The following IL13RA2 variants were observed in gnomAD, a reference collection of about 807,000 sequenced individuals.
The protein encoded by IL13RA2 is interleukin-13 receptor subunit alpha-2.
In IL13RA2, 25 loss-of-function variants were observed where a neutral mutation model predicts 34.1. The observed-to-expected ratio is 0.73, with a 90% CI of 0.53 to 1.03. The LOEUF (loss-of-function observed/expected upper bound fraction) is 1.03, where lower values mean the gene tolerates loss of function less well. Ranked by LOEUF, IL13RA2 falls within the 50% of genes least tolerant of loss-of-function variation. IL13RA2 has a pLI of 0.00. For missense variants in IL13RA2, 297 were observed against 280.9 expected (o/e 1.06, Z -0.41); for synonymous variants, 106 against 100.4 (o/e 1.06, Z -0.33).
At chrX:115,013,712 T>G in intron 5 of IL13RA2, 57 bp downstream of exon 5, 1 of 631,601 alleles carries the variant, frequency 1.6e-6, no homozygotes, top group Non-Finnish European at 2.6e-6. Context: ...ACTCATACTA[T>G]CGACTAACTT....
intron 2 of IL13RA2, among the ~76,000 whole-genome samples, chrX:115,016,766 T>C (rs1556510185): frequency 9.3e-6 from 1 of 108,009 alleles, no homozygotes; most frequent in African/African-American, 3.3e-5. Flanking sequence ...TATTTTTAAA[T>C]TTTACGTTAA....
chrX:115,006,704 T>A (rs1457794007), intron 8 of IL13RA2, among the ~76,000 whole-genome samples: 1 of 111,356 alleles, frequency 9.0e-6, no homozygotes, highest in Non-Finnish European at 1.9e-5. Flanking sequence ...AAGATTTCCC[T>A]CAAAGCAAGA....
intron 4 of IL13RA2, among the ~76,000 whole-genome samples, 197 bp downstream of exon 4, chrX:115,014,224 A>G (rs1207951635): frequency 8.9e-6 from 1 of 111,909 alleles, no homozygotes; most frequent in Non-Finnish European, 1.9e-5. Context: ...ATAAAATAAT[A>G]TACAGGTTTT....
intron 4 of IL13RA2, 69 bp downstream of exon 4, chrX:115,014,352 A>T: frequency 2.4e-6 from 2 of 826,748 alleles, no homozygotes; most frequent in Non-Finnish European, 3.5e-6. Context: ...GGTACATAAG[A>T]TTAAGGGACT....
rs1556509424 is a variant in IL13RA2 at position 115,014,568 on chromosome X, T to C, written c.253A>G (p.Ile85Val). 3.4e-6 allele frequency: 4 copies of C among 1,174,479 alleles called. No homozygotes were observed. The highest frequency in any genetic ancestry group is 3.0e-5 in the East Asian group (1 of 33,327). Residue 85 changes from isoleucine (I) to valine (V), a missense_variant, in exon 4 of 10, where the codon ATT (isoleucine) becomes GTT (valine). Physicochemically the swap from Ile to Val is conservative, Grantham distance 29. Transcript: ENST00000243213. ...TCTTTGTAATGTAGATTCTTAGTAA[T>C]GATGGTCTGTTTGACAAAAAGATGA... ...NIGSETWKTI[I>V]TKNLHYKDGF...
At chrX:115,010,585 G>T in intron 6 of IL13RA2, 59 bp downstream of exon 6, 4 of 524,763 alleles carry the variant, frequency 7.6e-6, no homozygotes, top group South Asian at 3.8e-5. Context: ...CTCTCAAGTG[G>T]TTGTAAATGG....
chrX:115,014,774 T>C (rs904812851), intron 3 of IL13RA2, among the ~76,000 whole-genome samples, 200 bp from the exon 4 acceptor site: 1 of 111,823 alleles, frequency 8.9e-6, no homozygotes, highest in Non-Finnish European at 1.9e-5. Flanking sequence ...TATGAGATCA[T>C]TTGAATCTTA....
chrX:115,009,442 C>A, intron 7 of IL13RA2, 79 bp downstream of exon 7: 1 of 822,089 alleles, frequency 1.2e-6, no homozygotes, highest in Non-Finnish European at 1.8e-6. Flanking sequence ...GTGGATGCAA[C>A]TGATTTTGGT....
chrX:115,006,634 C>T (rs2071686396), intron 8 of IL13RA2, among the ~76,000 whole-genome samples: 1 of 111,363 alleles, frequency 9.0e-6, no homozygotes, highest in African/African-American at 3.3e-5. Flanking sequence ...AGAGAGCCAA[C>T]ATCATGCCAC....
Position 115,008,692 on chromosome X carries a change from C to T in IL13RA2, c.853-616G>A, listed in dbSNP as rs3795175. 6.5e-3 allele frequency among the ~76,000 whole-genome samples: 720 copies of T among 111,323 alleles called. 48 individuals are homozygous for T. In the East Asian group the frequency reaches 0.17, roughly 26 times the overall value. On this transcript the variant is annotated intron_variant, in intron 7 of 9. Coordinates refer to ENST00000243213, the MANE Select transcript of IL13RA2 (RefSeq NM_000640.3). The stretch of plus-strand genomic sequence containing the variant: ...TGAGACTATCTCAAGGCTGGGTGAT[C>T]TCAGAGTAAAAAAATCACTGAAGCA...
In IL13RA2 at chrX:115,005,272, T is replaced by C; in HGVS notation, c.1041A>G (p.Pro347=). 1 of 1,142,286 alleles carries C rather than the reference T, an allele frequency of 8.8e-7. No individual in the cohort carries two copies. Among genetic ancestry groups the C allele is most frequent in the Non-Finnish European group, 1.2e-6 (1 of 832,152 alleles). 94.1% of individuals were successfully genotyped at this position (1,142,286 alleles called of 1,213,427 possible). The change falls in exon 9 of 10, where the codon CCA becomes CCG. Residue 347 remains proline, a synonymous_variant. Transcript: ENST00000243213. ...TAACTAATATTAAGATGAAACCAAA[T>C]GGTAGCCAGAAACGTAGCAAAGTTT... is the stretch of plus-strand genomic sequence containing the variant. ...SKKTLLRFWL[P]FGFILILVIF...
At chrX:115,006,037 T>C (rs1556507519) in intron 8 of IL13RA2, among the ~76,000 whole-genome samples, 1 of 112,048 alleles carries the variant, frequency 8.9e-6, no homozygotes, top group Non-Finnish European at 1.9e-5. Context: ...AAAGCTCTCT[T>C]GATCCCACCT....
chrX:115,005,285 C>T lies in IL13RA2; in HGVS notation c.1028G>A (p.Arg343His), dbSNP rs782749009. The change falls in exon 9 of 10, where the codon CGT becomes CAT. Residue 343 changes from arginine (R) to histidine (H), a missense_variant. By Grantham distance (29) the Arg-to-His change is conservative. Transcript: ENST00000243213. ...GEDLSKKTLL[R>H]FWLPFGFILI... ...GATGAAACCAAATGGTAGCCAGAAA[C>T]GTAGCAAAGTTTTCTTCGATAGGTC... 4.5e-6 allele frequency: 5 copies of T among 1,102,363 alleles called. No individual in the cohort carries two copies. Among genetic ancestry groups the T allele is most frequent in the Non-Finnish European group, 6.3e-6 (5 of 796,081 alleles). 90.8% of individuals were successfully genotyped at this position (1,102,363 alleles called of 1,213,427 possible).
chrX:115,017,340 C>A, intron 1 of IL13RA2, 38 bp from the exon 2 acceptor site: 1 of 578,138 alleles, frequency 1.7e-6, no homozygotes, highest in Non-Finnish European at 3.0e-6. Context: ...CTTTATCTTA[C>A]ATCAAATAAT....
chrX:115,011,674 A>T, intron 5 of IL13RA2, among the ~76,000 whole-genome samples: 1 of 111,944 alleles, frequency 8.9e-6, no homozygotes, highest in Non-Finnish European at 1.9e-5. Context: ...CTTTAGGGAG[A>T]GTTTGCAAAA....
At position 115,014,337 on chromosome X, in the gene IL13RA2, A is replaced by T. The variant is rs191760306; in HGVS notation, c.400+84T>A. The T allele has an allele frequency of 7.1e-5, 49 of 686,260 alleles. No individual in the cohort carries two copies. In the African/African-American group the frequency reaches 7.5e-4, roughly 11 times the overall value. The allele number at this position is 686,260 out of a possible 1,213,427, so 56.6% of individuals were successfully genotyped here. A position where few individuals can be genotyped will look rare whatever the true frequency, so the allele number is the denominator to read the frequency against. The stretch of plus-strand genomic sequence containing the variant: ...CTGTCACAGGATCTATTGTGCCTAC[A>T]GCCTGGTACATAAGATTAAGGGACT... On this transcript the variant is annotated intron_variant, in intron 4 of 9. Transcript: ENST00000243213.
chrX:115,004,811 C>A (rs1556507133), intron 9 of IL13RA2, among the ~76,000 whole-genome samples: 1 of 112,181 alleles, frequency 8.9e-6, no homozygotes, highest in Non-Finnish European at 1.9e-5. Context: ...CATGCTTTAT[C>A]ATTTGCATGT....
At chrX:115,014,095 C>G (rs1374270508) in intron 4 of IL13RA2, among the ~76,000 whole-genome samples, 1 of 111,918 alleles carries the variant, frequency 8.9e-6, no homozygotes, top group East Asian at 2.8e-4. Flanking sequence ...GGCTCATTTA[C>G]TCATATTAGT....
intron 1 of IL13RA2, 71 bp from the exon 2 acceptor site, chrX:115,017,373 A>C (rs2071732607): frequency 2.0e-6 from 1 of 512,497 alleles, no homozygotes; most frequent in African/African-American, 2.4e-5. Context: ...GATTAAAAAT[A>C]CTTTGGAAAG....
Sources: allele counts gnomAD v4.1 joint callset (sites outside exome capture counted in the v4.1 genomes callset), GRCh38; gene constraint gnomAD v4.1.1; transcripts MANE v1.5; gene names NCBI Gene and HGNC (gene_info 2026-07-23, HGNC 2026-07-21).